The following PPM1J variants were observed in gnomAD, a reference collection of about 807,000 sequenced individuals.
PPM1J encodes protein phosphatase, Mg2+/Mn2+ dependent 1J, also known as protein phosphatase 1J.
PPM1J carries 43 observed loss-of-function variants against 53.3 expected under a neutral mutation model. The observed-to-expected ratio is 0.81, with a 90% CI of 0.63 to 1.04. The LOEUF (loss-of-function observed/expected upper bound fraction) is 1.04, where lower values mean the gene tolerates loss of function less well. Ranked by LOEUF, PPM1J falls within the 50% of genes least tolerant of loss-of-function variation. The pLI, the probability that PPM1J is intolerant of heterozygous loss-of-function variation, is 0.00. For missense variants in PPM1J, 635 were observed against 685.9 expected, an observed-to-expected ratio of 0.93 and a Z score of 0.83; for synonymous variants, 267 against 286.4, an observed-to-expected ratio of 0.93 and a Z score of 0.68.
intron 1 of PPM1J, chr1:112,714,185 A>G: frequency 1.0e-6 from 1 of 991,564 alleles, no homozygotes; most frequent in South Asian, 4.5e-5. Flanking sequence ...GGCAGGAGCC[A>G]CATACCCATA....
intron 1 of PPM1J, among the ~76,000 whole-genome samples, chr1:112,713,903 A>T (rs1675132946): frequency 6.6e-6 from 1 of 151,924 alleles, no homozygotes; most frequent in African/African-American, 2.4e-5. Flanking sequence ...AAAAGAAAAA[A>T]GAAAAAGGCA....
In PPM1J at chr1:112,712,730, G is replaced by A. The variant is rs1431799641; in HGVS notation, c.729+14C>T. ...GGTTGCCTAGCAGGCTCTTGGCCCA[G>A]GTCACCCACTCACCATGAGCTGGAA... is the stretch of plus-strand genomic sequence containing the variant. On this transcript the variant is annotated intron_variant, in intron 3 of 9. Coordinates refer to ENST00000309276, the MANE Select transcript of PPM1J (RefSeq NM_005167.7). 2 of 1,596,144 alleles carry A rather than the reference G, an allele frequency of 1.3e-6. No individual in the cohort carries two copies. The highest frequency in any genetic ancestry group is 1.7e-5 in the Admixed American group (1 of 59,312).
intron 6 of PPM1J, 33 bp downstream of exon 6, chr1:112,711,233 G>A: frequency 1.3e-6 from 2 of 1,550,396 alleles, no homozygotes; most frequent in Non-Finnish European, 1.8e-6. Context: ...GTGTTGCCAT[G>A]GGAACGGGCC....
At position 112,712,919 on chromosome 1, in the gene PPM1J, A is replaced by T; in HGVS notation, c.554T>A (p.Val185Glu). The T allele has an allele frequency of 6.2e-7, 1 of 1,613,956 alleles. No homozygotes were observed. The highest frequency in any genetic ancestry group is 8.5e-7 in the Non-Finnish European group (1 of 1,180,008). Residue 185 changes from valine (V) to glutamate (E), a missense_variant, in exon 3 of 10, where the codon GTA becomes GAA. Val to Glu is a moderately radical substitution (Grantham distance 121, BLOSUM62 -2). Coordinates refer to ENST00000309276, the MANE Select transcript of PPM1J (RefSeq NM_005167.7). ...RHIREQLKDL[V>E]EILQDPSPPP... ...TGGCGAAGGGTCCTGAAGTATCTCT[A>T]CCAGGTCCTTTAGCTGCTCTCGGAT... is the stretch of plus-strand genomic sequence containing the variant.
At chr1:112,714,823 G>T in intron 1 of PPM1J, 153 bp downstream of exon 1, 1 of 1,282,322 alleles carries the variant, frequency 7.8e-7, no homozygotes, top group Non-Finnish European at 9.8e-7. Context: ...GGGAGGGGGT[G>T]CGGCCCGAAG....
Position 112,712,367 on chromosome 1 carries a change from C to A in PPM1J, c.820G>T (p.Val274Leu). ...VVIYLLGKVY[V>L]ANAGDSRAII... ...TACCTGCTATCGCCTGCATTGGCCACGTACACCTTGCCTAGCAGGTAGATC... is the reference window on the plus strand; with the variant it reads ...TACCTGCTATCGCCTGCATTGGCCAAGTACACCTTGCCTAGCAGGTAGATC... The change falls in exon 4 of 10, where the codon GTG (valine) becomes TTG (leucine). Residue 274 changes from valine to leucine, a missense_variant. Transcript: ENST00000309276. 1.9e-6 allele frequency: 3 copies of A among 1,613,594 alleles called. No homozygotes were observed. Among genetic ancestry groups the A allele is most frequent in the Non-Finnish European group, 1.7e-6 (2 of 1,179,770 alleles).
At position 112,712,789 on chromosome 1, in the gene PPM1J, G is replaced by A. The variant is rs758017491; in HGVS notation, c.684C>T (p.His228=). The part of the protein sequence containing the change: ...SCWSSQKEVS[H]ESLVVGAVEN... ...CAACGGCCCCCACTACCAGGCTCTCGTGGCTCACTTCCTTCTGTGAAGACC... is the reference window on the plus strand; with the variant it reads ...CAACGGCCCCCACTACCAGGCTCTCATGGCTCACTTCCTTCTGTGAAGACC... The change falls in exon 3 of 10, where the codon CAC becomes CAT. Residue 228 remains histidine, a synonymous_variant. Transcript: ENST00000309276. 8 of 1,612,622 alleles carry A rather than the reference G, an allele frequency of 5.0e-6. No homozygotes were observed. Among genetic ancestry groups the A allele is most frequent in the Non-Finnish European group, 5.9e-6 (7 of 1,179,958 alleles).
At chr1:112,711,449 A>G in intron 5 of PPM1J, 65 bp from the exon 6 acceptor site, 1 of 940,818 alleles carries the variant, frequency 1.1e-6, no homozygotes, top group Non-Finnish European at 1.7e-6. Context: ...ACGGTGGCAC[A>G]CAGATGACGT....
intron 4 of PPM1J, 32 bp from the exon 5 acceptor site, chr1:112,712,087 G>A: frequency 6.4e-7 from 1 of 1,555,218 alleles, no homozygotes; most frequent in Non-Finnish European, 8.8e-7. Flanking sequence ...ATTGGGACCT[G>A]GTTCTCTTCA....
In PPM1J at chr1:112,710,282, G is replaced by A; in HGVS notation, c.1399C>T (p.Leu467=). 1 of 1,608,880 alleles carries A rather than the reference G, an allele frequency of 6.2e-7. No homozygotes were observed. The highest frequency in any genetic ancestry group is 2.2e-5 in the East Asian group (1 of 44,856). The part of the protein sequence containing the change: ...RYTALAQALV[L]GARGTPRDRG... ...TCTCGGGGGGTACCCCGGGCCCCCAGGACCAGAGCTTGGGCCAGAGCTGTA... is the reference window on the plus strand; with the variant it reads ...TCTCGGGGGGTACCCCGGGCCCCCAAGACCAGAGCTTGGGCCAGAGCTGTA... Residue 467 remains leucine (L), a synonymous_variant, in exon 10 of 10, where the codon CTG becomes TTG. Transcript: ENST00000309276.
chr1:112,711,814 C>G (rs1474213278), intron 5 of PPM1J, among the ~76,000 whole-genome samples, 157 bp downstream of exon 5: 1 of 152,188 alleles, frequency 6.6e-6, no homozygotes, highest in Non-Finnish European at 1.5e-5. Context: ...CAACCTCCCA[C>G]CGGCTCAGCC....
chr1:112,710,401 C>A, intron 9 of PPM1J, 59 bp downstream of exon 9: 2 of 1,610,780 alleles, frequency 1.2e-6, no homozygotes, highest in Non-Finnish European at 1.7e-6. Context: ...AGCATTGCTT[C>A]CCTTTGACCC....
In PPM1J at chr1:112,711,264, A is replaced by ACCAG; in HGVS notation, c.1044_1046+1dup. The ACCAG allele has an allele frequency of 6.2e-7, 1 of 1,604,126 alleles. No homozygotes were observed. Reference sequence around the variant, plus strand: ...GGGCCCCAGCTCTGAGGGAAGTGTTACCAGCCGGTCATGTTCTGGTCCCGG... The same window carrying ACCAG: ...GGGCCCCAGCTCTGAGGGAAGTGTTACCAGCCAGCCGGTCATGTTCTGGTCCCGG... On this transcript the variant is annotated splice_donor_variant, in intron 6 of 9. Coordinates refer to ENST00000309276, the MANE Select transcript of PPM1J (RefSeq NM_005167.7). LOFTEE classifies it high-confidence loss of function.
At position 112,710,453 on chromosome 1, in the gene PPM1J, C is replaced by T. The variant is rs758791863; in HGVS notation, c.1370+7G>A. On this transcript the variant is annotated splice_region_variant and intron_variant, in intron 9 of 9. Coordinates refer to ENST00000309276, the MANE Select transcript of PPM1J (RefSeq NM_005167.7). ...ATCCCCTTACCACCATGCCATGCAG[C>T]CCCTACCTGCTGTGGTCATTAGGCT... is the stretch of plus-strand genomic sequence containing the variant. 61 of 1,613,506 alleles carry T rather than the reference C, an allele frequency of 3.8e-5. No homozygotes were observed. The highest frequency in any genetic ancestry group is 4.9e-5 in the Non-Finnish European group (58 of 1,180,002).
In PPM1J at chr1:112,712,883, C is replaced by G; in HGVS notation, c.590G>C (p.Cys197Ser). Residue 197 changes from cysteine to serine, a missense_variant, in exon 3 of 10, where the codon TGC (cysteine) becomes TCC (serine). Cys to Ser is a moderately radical substitution (Grantham distance 112). Coordinates refer to ENST00000309276, the MANE Select transcript of PPM1J (RefSeq NM_005167.7). ...TGGGGTCCCCGGAGTGGTTGGGAGG[C>G]AGAGGGGTGGTGGCGAAGGGTCCTG... ...ILQDPSPPPL[C>S]LPTTPGTPDS... is the part of the protein sequence containing the mutation. 1 of 1,613,930 alleles carries G rather than the reference C, an allele frequency of 6.2e-7. No homozygotes were observed. The highest frequency in any genetic ancestry group is 8.5e-7 in the Non-Finnish European group (1 of 1,180,020).
In PPM1J at chr1:112,715,001, G is replaced by C. The variant is rs1200268921; in HGVS notation, c.301C>G (p.Leu101Val). ...TCGGCGTAGCCTGTGCTCCAGGGCA[G>C]GCGGCGGCCCGTGTCCGGGGGGCTT... ...VQSPPDTGRR[L>V]PWSTGYAEVI... The change falls in exon 1 of 10, where the codon CTG becomes GTG. Residue 101 changes from leucine to valine, a missense_variant. Transcript: ENST00000309276. This position sits in a 1 kb window ranked among gnomAD's most constrained non-coding sequence, Gnocchi z 4.4. 2 of 1,460,398 alleles carry C rather than the reference G, an allele frequency of 1.4e-6. No homozygotes were observed. The highest frequency in any genetic ancestry group is 5.3e-5 in the Admixed American group (2 of 37,484). 90.5% of individuals were successfully genotyped at this position (1,460,398 alleles called of 1,614,324 possible).
intron 3 of PPM1J, 56 bp from the exon 4 acceptor site, chr1:112,712,513 C>T: frequency 6.9e-7 from 1 of 1,458,666 alleles, no homozygotes; most frequent in Non-Finnish European, 9.5e-7. Flanking sequence ...AGCACACAGT[C>T]ACCCTCCCCC....
Position 112,712,156 on chromosome 1 carries a change from C to T in PPM1J, c.843-101G>A, listed in dbSNP as rs754199274. The T allele has an allele frequency of 3.7e-6, 4 of 1,093,152 alleles. No homozygotes were observed. The East Asian group carries it at 7.8e-5, about 21-fold the overall frequency. The allele number at this position is 1,093,152 out of a possible 1,614,324, so 67.7% of individuals were successfully genotyped here. On this transcript the variant is annotated intron_variant, in intron 4 of 9. Transcript: ENST00000309276. ...CCCTCTCCATAATGACCTTTCAGAT[C>T]TCTTACCCAGACCCCCATATCTGCC... is the stretch of plus-strand genomic sequence containing the variant.
At chr1:112,713,354 G>C in intron 2 of PPM1J, 143 bp downstream of exon 2, 1 of 641,518 alleles carries the variant, frequency 1.6e-6, no homozygotes, top group Non-Finnish European at 2.8e-6. Context: ...TCTAACTGAT[G>C]AATACCAGGT....
Sources: gnomAD v4.1 joint callset for allele counts (sites outside exome capture counted in the v4.1 genomes callset) on GRCh38, gnomAD v4.1.1 for gene constraint, Gnocchi (gnomAD v3.1) non-coding constraint, MANE v1.5 for transcripts, NCBI Gene and HGNC (gene_info 2026-07-23, HGNC 2026-07-21) for gene names.